The following KCTD16 variants were observed in gnomAD, a reference collection of about 807,000 sequenced individuals.
KCTD16 encodes BTB/POZ domain-containing protein KCTD16.
A neutral mutation model predicts 33.2 loss-of-function variants in KCTD16; 13 were observed. That is an observed-to-expected ratio of 0.39 (90% CI 0.25 to 0.62). KCTD16 has a LOEUF of 0.62. Ranked by LOEUF, KCTD16 falls within the 20% of genes least tolerant of loss-of-function variation. The pLI is 0.50. For synonymous variants in KCTD16, 197 were observed against 195.3 expected (o/e 1.01, Z -0.07); for missense variants, 441 against 525.1 (o/e 0.84, Z 1.57).
intron 3 of KCTD16, among the ~76,000 whole-genome samples, chr5:144,356,129 C>T (rs746917367): frequency 1.3e-5 from 2 of 152,120 alleles, no homozygotes; most frequent in Admixed American, 1.3e-4. Flanking sequence ...ATAACACCCA[C>T]ATAACATGGT....
chr5:144,233,620 C>T (rs912292864), intron 3 of KCTD16, among the ~76,000 whole-genome samples: 1 of 152,104 alleles, frequency 6.6e-6, no homozygotes, highest in Admixed American at 6.6e-5. Context: ...TCCATCATAG[C>T]CCTGTCCCCA....
chr5:144,243,735 CT>C (rs376096006), intron 3 of KCTD16, among the ~76,000 whole-genome samples: 1 of 151,672 alleles, frequency 6.6e-6, no homozygotes, highest in Non-Finnish European at 1.5e-5. Flanking sequence ...CATGAATACT[CT>C]TTTTTTTGTT....
At chr5:144,253,020 T>C (rs1482654126) in intron 3 of KCTD16, among the ~76,000 whole-genome samples, 1 of 152,012 alleles carries the variant, frequency 6.6e-6, no homozygotes, top group Non-Finnish European at 1.5e-5. Context: ...TTGGAGCCAT[T>C]TCTAATTCTC....
chr5:144,199,000 A>G (rs1752990726), intron 2 of KCTD16, among the ~76,000 whole-genome samples: 1 of 152,182 alleles, frequency 6.6e-6, no homozygotes, highest in Non-Finnish European at 1.5e-5. Context: ...TTAAAACTCT[A>G]TTTCCTTAAG....
At chr5:144,315,556 T>C (rs1751882142) in intron 3 of KCTD16, among the ~76,000 whole-genome samples, 1 of 152,194 alleles carries the variant, frequency 6.6e-6, no homozygotes, top group Non-Finnish European at 1.5e-5. Flanking sequence ...AAAATCAAAA[T>C]AACATCTTTA....
intron 3 of KCTD16, among the ~76,000 whole-genome samples, chr5:144,469,412 A>T (rs1416917659): frequency 6.6e-6 from 1 of 152,220 alleles, no homozygotes; most frequent in Non-Finnish European, 1.5e-5. Context: ...GTGATATTCC[A>T]GCTAGATCTA....
intron 1 of KCTD16, among the ~76,000 whole-genome samples, chr5:144,174,105 G>A (rs1203045787): frequency 1.3e-5 from 2 of 151,820 alleles, no homozygotes; most frequent in Admixed American, 6.6e-5. Context: ...TCCTTCCCTG[G>A]GACCTAATGT....
chr5:144,341,024 A>C (rs1256685040), intron 3 of KCTD16, among the ~76,000 whole-genome samples: 2 of 152,134 alleles, frequency 1.3e-5, no homozygotes, highest in Non-Finnish European at 2.9e-5. Context: ...CAGCCTGGGC[A>C]ACAAGAGCAA....
At chr5:144,225,583 TGTGTGTGTGTGTGTC>T (rs1753907192) in intron 3 of KCTD16, among the ~76,000 whole-genome samples, 1 of 151,876 alleles carries the variant, frequency 6.6e-6, no homozygotes, top group Admixed American at 6.6e-5. Context: ...TGTGTGTGTG[TGTGTGTGTGTGTGTC>T]TTTAAAACTA....
chr5:144,431,050 G>A (rs1189473138), intron 3 of KCTD16, among the ~76,000 whole-genome samples: 1 of 152,090 alleles, frequency 6.6e-6, no homozygotes, highest in Non-Finnish European at 1.5e-5. Flanking sequence ...AGCTCTCCAT[G>A]ATCATGAATT....
chr5:144,354,162 T>C (rs1156439393), intron 3 of KCTD16, among the ~76,000 whole-genome samples: 2 of 152,026 alleles, frequency 1.3e-5, no homozygotes, highest in Admixed American at 6.6e-5. Context: ...TCTACAACTC[T>C]AAAAAAATTT....
At chr5:144,250,667 G>A (rs943232792) in intron 3 of KCTD16, among the ~76,000 whole-genome samples, 1 of 152,148 alleles carries the variant, frequency 6.6e-6, no homozygotes, top group African/African-American at 2.4e-5. Flanking sequence ...ACTTTTTAGA[G>A]TCAGACATAC....
chr5:144,280,985 G>A (rs373275514), intron 3 of KCTD16, among the ~76,000 whole-genome samples: 26 of 147,016 alleles, frequency 1.8e-4, no homozygotes, highest in African/African-American at 6.6e-4. Context: ...AACCCGACAG[G>A]CGGAGGTTGC....
chr5:144,222,400 A>G (rs973161843), intron 3 of KCTD16, among the ~76,000 whole-genome samples: 8 of 152,224 alleles, frequency 5.3e-5, no homozygotes, highest in Admixed American at 1.3e-4. Flanking sequence ...CATAACAACT[A>G]TAATCCAAGG....
intron 3 of KCTD16, among the ~76,000 whole-genome samples, chr5:144,223,048 A>T (rs1753811072): frequency 6.6e-6 from 1 of 152,202 alleles, no homozygotes; most frequent in Non-Finnish European, 1.5e-5. Context: ...AAGGACAAAA[A>T]AACCAAACAC....
chr5:144,476,232 A>G lies in KCTD16; in HGVS notation c.*2118A>G, dbSNP rs1754592020. 2 of 152,214 alleles carry G rather than the reference A, an allele frequency of 1.3e-5. No homozygotes were observed. Among genetic ancestry groups the G allele is most frequent in the Admixed American group, 1.3e-4 (2 of 15,282 alleles). The allele number at this position is 152,214 out of a possible 1,614,324, so 9.4% of individuals were successfully genotyped here. A position where few individuals can be genotyped will look rare whatever the true frequency, so the allele number is the denominator to read the frequency against. ...TGAAACTCACTTTGGTCAAATGATT[A>G]TTGTGTTGTCACTGGAAGTACTGTC... On this transcript the variant is annotated 3_prime_UTR_variant, in exon 4 of 4. Coordinates refer to ENST00000512467, the MANE Select transcript of KCTD16 (RefSeq NM_020768.4).
In KCTD16 at chr5:144,255,800, T is replaced by C. The variant is rs557710337; in HGVS notation, c.832+48254T>C. Among the ~76,000 whole-genome samples the C allele has an allele frequency of 1.4e-3, 211 of 152,250 alleles. 1 individual carries two copies. The highest frequency in any genetic ancestry group is 2.1e-3 in the Non-Finnish European group (144 of 68,006). Reference sequence around the variant, plus strand: ...CCAAGGTCATGTAAAACTATCAGCATTTAAAAAGAAGAAATCCTAACATAA... The same window carrying C: ...CCAAGGTCATGTAAAACTATCAGCACTTAAAAAGAAGAAATCCTAACATAA... On this transcript the variant is annotated intron_variant, in intron 3 of 3. Transcript: ENST00000512467.
At chr5:144,222,817 A>G (rs901738039) in intron 3 of KCTD16, among the ~76,000 whole-genome samples, 6 of 152,250 alleles carry the variant, frequency 3.9e-5, no homozygotes, top group African/African-American at 1.4e-4. Flanking sequence ...ATTATAAATC[A>G]TGCTGCTATA....
rs1441533139 is a variant in KCTD16, at chr5:144,475,528, GCTCTTT to G, written c.*1416_*1421del. 1 of 152,602 alleles carries G rather than the reference GCTCTTT, an allele frequency of 6.6e-6. No individual in the cohort carries two copies. Among genetic ancestry groups the G allele is most frequent in the Non-Finnish European group, 1.5e-5 (1 of 68,026 alleles). The allele number at this position is 152,602 out of a possible 1,614,324, so 9.5% of individuals were successfully genotyped here. On this transcript the variant is annotated 3_prime_UTR_variant, in exon 4 of 4. Coordinates refer to ENST00000512467, the MANE Select transcript of KCTD16 (RefSeq NM_020768.4). ...TCTGTATTTTACTAAGGTACCAATA[GCTCTTT>G]CATAGACTTGTGCTACAAGAAGGTT...
Sources: allele counts gnomAD v4.1 joint callset (sites outside exome capture counted in the v4.1 genomes callset), GRCh38; gene constraint gnomAD v4.1.1; transcripts MANE v1.5; gene names NCBI Gene and HGNC (gene_info 2026-07-23, HGNC 2026-07-21).